The following TCIRG1 variants were observed in gnomAD, a reference collection of about 807,000 sequenced individuals.
TCIRG1 encodes the protein V-type proton ATPase 116 kDa subunit a 3.
A neutral mutation model predicts 95.5 loss-of-function variants in TCIRG1; 86 were observed. That is an observed-to-expected ratio of 0.90 (90% CI 0.76 to 1.08). The LOEUF is 1.08. TCIRG1 is among the 50% of genes least tolerant of loss of function. TCIRG1 has a pLI of 0.00. For missense variants in TCIRG1, 1,069 were observed against 1,140.2 expected (o/e 0.94, Z 0.90); for synonymous variants, 499 against 501.3 (o/e 1.00, Z 0.06).
chr11:68,044,177 G>A lies in TCIRG1; in HGVS notation c.853G>A (p.Val285Met). The A allele has an allele frequency of 2.6e-6, 4 of 1,554,142 alleles. No individual in the cohort carries two copies. Among genetic ancestry groups the A allele is most frequent in the Non-Finnish European group, 3.5e-6 (4 of 1,149,256 alleles). Residue 285 changes from valine to methionine, a missense_variant, in exon 9 of 20, where the codon GTG (valine) becomes ATG (methionine). Val to Met is a conservative substitution (Grantham distance 21). Transcript: ENST00000265686. ...GTTCCTGAGCCAGGTGCTAGGCCGG[G>A]TGCTGCAGCTGCTGCCGCCAGGGCA... is the stretch of plus-strand genomic sequence containing the variant. ...ERFLSQVLGR[V>M]LQLLPPGQVQ...
intron 2 of TCIRG1, 83 bp from the exon 3 acceptor site, chr11:68,041,670 G>C (rs1164635021): frequency 8.5e-7 from 1 of 1,177,592 alleles, no homozygotes; most frequent in South Asian, 1.3e-5. Context: ...CTAAGGCCTG[G>C]GGAGAGTCAG....
At position 68,043,895 on chromosome 11, in the gene TCIRG1, G is replaced by A. The variant is rs1855316178; in HGVS notation, c.795G>A (p.Gln265=). 2 of 1,553,022 alleles carry A rather than the reference G, an allele frequency of 1.3e-6. No homozygotes were observed. The highest frequency in any genetic ancestry group is 2.4e-5 in the East Asian group (1 of 41,590). ...GALQQLQQQS[Q]ELQEVLGETE... is the part of the protein sequence containing the mutation. The stretch of plus-strand genomic sequence containing the variant: ...TGCAGCAGCTGCAACAGCAGAGCCA[G>A]GAGCTGCAGGAGGTGGGTGCCCCCG... The change falls in exon 8 of 20, where the codon CAG becomes CAA. Residue 265 remains glutamine, a synonymous_variant. Coordinates refer to ENST00000265686, the MANE Select transcript of TCIRG1 (RefSeq NM_006019.4).
rs1224318177 is a variant in TCIRG1, at chr11:68,041,276, G to T, written c.5G>T (p.Gly2Val). The T allele has an allele frequency of 1.2e-6, 2 of 1,610,384 alleles. No homozygotes were observed. The highest frequency in any genetic ancestry group is 8.5e-7 in the Non-Finnish European group (1 of 1,177,576). Residue 2 changes from glycine (G) to valine (V), a missense_variant, in exon 2 of 20, where the codon GGC becomes GTC. Transcript: ENST00000265686. ...TCCGTGTCCACCCACAGGACCATGGGCTCCATGTTCCGGAGCGAGGAGGTG... is the reference window on the plus strand; with the variant it reads ...TCCGTGTCCACCCACAGGACCATGGTCTCCATGTTCCGGAGCGAGGAGGTG... MGSMFRSEEVAL... is the reference protein window; with the variant it reads MVSMFRSEEVAL...
At chr11:68,042,305 T>A (rs1265999483) in intron 3 of TCIRG1, among the ~76,000 whole-genome samples, 1 of 152,150 alleles carries the variant, frequency 6.6e-6, no homozygotes, top group Non-Finnish European at 1.5e-5. Context: ...GGCAGGGTTT[T>A]GTGTTTGCTG....
chr11:68,043,758 T>C, intron 7 of TCIRG1, 56 bp from the exon 8 acceptor site: 1 of 1,542,506 alleles, frequency 6.5e-7, no homozygotes, highest in Non-Finnish European at 8.8e-7. Flanking sequence ...CCCTTCAGAC[T>C]CAGAGTCTCG....
In TCIRG1 at chr11:68,048,130, G is replaced by A. The variant is rs918363572; in HGVS notation, c.1554+158G>A. On this transcript the variant is annotated intron_variant, in intron 13 of 19. Transcript: ENST00000265686. ...GAGGCAGACAAGCCTCCTGCCCTGCGGAGCCTGCATCACAGTCCCCTGAGT... is the reference window on the plus strand; with the variant it reads ...GAGGCAGACAAGCCTCCTGCCCTGCAGAGCCTGCATCACAGTCCCCTGAGT... 4.2e-5 allele frequency: 31 copies of A among 734,068 alleles called. 1 individual carries two copies. The highest frequency in any genetic ancestry group is 1.0e-4 in the South Asian group (7 of 66,758). The allele number at this position is 734,068 out of a possible 1,614,324, so 45.5% of individuals were successfully genotyped here.
chr11:68,049,620 G>A, intron 15 of TCIRG1, 43 bp from the exon 16 acceptor site: 2 of 1,589,744 alleles, frequency 1.3e-6, no homozygotes. Context: ...CTTTGCAGGT[G>A]TGCACAGCAG....
At position 68,049,649 on chromosome 11, in the gene TCIRG1, CCT is replaced by C; in HGVS notation, c.1888-10_1888-9del. The C allele has an allele frequency of 6.3e-7, 1 of 1,599,128 alleles. No individual in the cohort carries two copies. On this transcript the variant is annotated splice_polypyrimidine_tract_variant and intron_variant, in intron 15 of 19. Transcript: ENST00000265686. ...ACAGCAGGGACGCCCTGACTCTCGC[CCT>C]CTCCCTGGCAGGAGGTGGTCCAGGC... is the stretch of plus-strand genomic sequence containing the variant.
At chr11:68,042,397 G>A (rs901946683) in intron 3 of TCIRG1, among the ~76,000 whole-genome samples, 1 of 152,186 alleles carries the variant, frequency 6.6e-6, no homozygotes, top group Non-Finnish European at 1.5e-5. Context: ...CGCAAGGGCC[G>A]GCCTGTGGGG....
chr11:68,050,647 C>T lies in TCIRG1; in HGVS notation c.2397C>T (p.His799=), dbSNP rs141356870. The part of the protein sequence containing the change: ...LVMEGLSAFL[H]ALRLHWVEFQ... ...TGGAGGGACTCTCAGCCTTCCTGCA[C>T]GCCCTGCGGCTGCACTGGTGAGCGA... is the stretch of plus-strand genomic sequence containing the variant. Residue 799 remains histidine, a synonymous_variant, in exon 19 of 20, where the codon CAC becomes CAT. Coordinates refer to ENST00000265686, the MANE Select transcript of TCIRG1 (RefSeq NM_006019.4). 186 of 1,613,366 alleles carry T rather than the reference C, an allele frequency of 1.2e-4. No individual in the cohort carries two copies. The African/African-American group carries it at 2.0e-3, about 18-fold the overall frequency.
intron 8 of TCIRG1, 28 bp from the exon 9 acceptor site, chr11:68,044,103 GC>G: frequency 6.5e-7 from 1 of 1,539,000 alleles, no homozygotes; most frequent in Non-Finnish European, 8.8e-7. Flanking sequence ...TGCCTGCCCA[GC>G]CCCCGCTGAC....
chr11:68,047,962 G>T lies in TCIRG1; in HGVS notation c.1544G>T (p.Gly515Val). 6.2e-7 allele frequency: 1 copy of T among 1,613,748 alleles called. No individual in the cohort carries two copies. Among genetic ancestry groups the T allele is most frequent in the South Asian group, 1.1e-5 (1 of 91,088 alleles). Reference sequence around the variant, plus strand: ...GTCTTCCTGGGACCCTACCCCTTTGGCATCGATCCTGTGAGTCCTGGGATG... The same window carrying T: ...GTCTTCCTGGGACCCTACCCCTTTGTCATCGATCCTGTGAGTCCTGGGATG... ...TGVFLGPYPF[G>V]IDPIWSLAAN... The change falls in exon 13 of 20, where the codon GGC (glycine) becomes GTC (valine). Residue 515 changes from glycine (G) to valine (V), a missense_variant. Coordinates refer to ENST00000265686, the MANE Select transcript of TCIRG1 (RefSeq NM_006019.4).
chr11:68,044,672 AC>A lies in TCIRG1; in HGVS notation c.1021-283del. ...TGTGATGCCCCTGCCTCCGGGGGTC[AC>A]CCGCCGCGCACAGCAGGTGCTTGCG... On this transcript the variant is annotated intron_variant, in intron 9 of 19. Coordinates refer to ENST00000265686, the MANE Select transcript of TCIRG1 (RefSeq NM_006019.4). 5.1e-6 allele frequency: 3 copies of A among 585,012 alleles called. No homozygotes were observed. The South Asian group carries it at 6.1e-5, about 12-fold the overall frequency. The allele number at this position is 585,012 out of a possible 1,614,324, so 36.2% of individuals were successfully genotyped here. A position where few individuals can be genotyped will look rare whatever the true frequency, so the allele number is the denominator to read the frequency against.
chr11:68,048,143 C>A, intron 13 of TCIRG1, 171 bp downstream of exon 13: 1 of 707,450 alleles, frequency 1.4e-6, no homozygotes. Flanking sequence ...GCCTGCATCA[C>A]AGTCCCCTGA....
chr11:68,048,154 G>C, intron 13 of TCIRG1, 182 bp downstream of exon 13: 2 of 680,536 alleles, frequency 2.9e-6, no homozygotes, highest in Non-Finnish European at 5.3e-6. Flanking sequence ...AGTCCCCTGA[G>C]TGTGCGGAGG....
intron 5 of TCIRG1, 36 bp from the exon 6 acceptor site, chr11:68,043,335 G>C (rs1403619873): frequency 6.5e-7 from 1 of 1,535,676 alleles, no homozygotes; most frequent in East Asian, 2.4e-5. Context: ...CAGGGCAGGA[G>C]GTTGGAGCAG....
intron 10 of TCIRG1, chr11:68,046,957 A>G (rs1855516364): frequency 2.2e-6 from 1 of 451,168 alleles, no homozygotes; most frequent in East Asian, 7.1e-5. Flanking sequence ...GGAGGCTCAG[A>G]GAGGTGAAGT....
Position 68,047,263 on chromosome 11 carries a change from C to A in TCIRG1, c.1166-170C>A, listed in dbSNP as rs867036291. Reference sequence around the variant, plus strand: ...TGACCTCGGGTGATGCCCCCCCCCCCCCCCGTCTCGGCCTCCCAGAGTGCT... The same window carrying A: ...TGACCTCGGGTGATGCCCCCCCCCCACCCCGTCTCGGCCTCCCAGAGTGCT... On this transcript the variant is annotated intron_variant, in intron 10 of 19. Coordinates refer to ENST00000265686, the MANE Select transcript of TCIRG1 (RefSeq NM_006019.4). Among the ~76,000 whole-genome samples, 61 of 112,954 alleles carry A rather than the reference C, an allele frequency of 5.4e-4. 6 individuals carry two copies. Among genetic ancestry groups the A allele is most frequent in the East Asian group, 1.0e-3 (4 of 3,820 alleles). 74.1% of individuals were successfully genotyped at this position (112,954 alleles called of 152,430 possible).
At position 68,047,545 on chromosome 11, in the gene TCIRG1, A is replaced by G. The variant is rs138527421; in HGVS notation, c.1278A>G (p.Arg426=). Residue 426 remains arginine (R), a synonymous_variant, in exon 11 of 20, where the codon CGA becomes CGG. Transcript: ENST00000265686. Reference sequence around the variant, plus strand: ...TGGCCATGGTCCTTGCGGAGAACCGACCGGCTGTGAAGGCCGCGCAGAACG... The same window carrying G: ...TGGCCATGGTCCTTGCGGAGAACCGGCCGGCTGTGAAGGCCGCGCAGAACG... ...FALAMVLAEN[R]PAVKAAQNEI... The G allele has an allele frequency of 1.0e-4, 163 of 1,613,606 alleles. No homozygotes were observed. The highest frequency in any genetic ancestry group is 9.9e-4 in the Middle Eastern group (6 of 6,084).
Sources: gnomAD v4.1 joint callset for allele counts (sites outside exome capture counted in the v4.1 genomes callset) on GRCh38, gnomAD v4.1.1 for gene constraint, MANE v1.5 for transcripts, NCBI Gene and HGNC (gene_info 2026-07-23, HGNC 2026-07-21) for gene names.